CNTNAP2: variants seen among roughly 807,000 people sequenced by gnomAD.
CNTNAP2 encodes contactin associated protein 2.
In CNTNAP2, 98 loss-of-function variants were observed where a neutral mutation model predicts 155.2. The ratio of observed to expected loss-of-function variants is 0.63; its 90% CI spans 0.54 to 0.75. The LOEUF (loss-of-function observed/expected upper bound fraction) is 0.75. Ranked by LOEUF, CNTNAP2 falls within the 30% of genes least tolerant of loss-of-function variation. The pLI is 0.00. For missense variants in CNTNAP2, 1,727 were observed against 1,688.1 expected, an observed-to-expected ratio of 1.02 and a Z score of -0.40; for synonymous variants, 651 against 631.2, an observed-to-expected ratio of 1.03 and a Z score of -0.47.
chr7:148,108,013 G>A (rs935104100), intron 15 of CNTNAP2, among the ~76,000 whole-genome samples: 2 of 152,148 alleles, frequency 1.3e-5, no homozygotes, highest in Admixed American at 6.5e-5. Context: ...GTGCCTTCAC[G>A]CAGTCTTCTC....
intron 4 of CNTNAP2, among the ~76,000 whole-genome samples, chr7:147,062,371 C>A (rs1799700557): frequency 6.6e-6 from 1 of 151,848 alleles, no homozygotes; most frequent in Admixed American, 6.6e-5. Context: ...TTCCCAATGT[C>A]ACTTTTTAGT....
At chr7:146,777,889 T>C (rs913969591) in intron 2 of CNTNAP2, among the ~76,000 whole-genome samples, 11 of 141,586 alleles carry the variant, frequency 7.8e-5, no homozygotes, top group African/African-American at 2.5e-4. Context: ...ATAGCCAGCA[T>C]TGAGAGAAAA....
At chr7:147,860,588 T>TTAAAAAAAAAAAAA (rs1799118275) in intron 13 of CNTNAP2, among the ~76,000 whole-genome samples, 1 of 106,002 alleles carries the variant, frequency 9.4e-6, no homozygotes, top group Non-Finnish European at 2.1e-5. Context: ...AGACTCTGTC[T>TTAAAAAAAAAAAAA]CAAAAAAAAA....
At chr7:148,005,087 T>C (rs1563164380) in intron 15 of CNTNAP2, among the ~76,000 whole-genome samples, 1 of 152,178 alleles carries the variant, frequency 6.6e-6, no homozygotes, top group Non-Finnish European at 1.5e-5. Context: ...TAACATACCA[T>C]AGACTGGGTG....
chr7:147,091,735 A>G (rs1800411911), intron 4 of CNTNAP2, among the ~76,000 whole-genome samples: 1 of 151,848 alleles, frequency 6.6e-6, no homozygotes. Context: ...CGTCCCGGGT[A>G]GCTGGGACTA....
chr7:146,813,449 A>T (rs1803106794), intron 2 of CNTNAP2, among the ~76,000 whole-genome samples: 1 of 152,194 alleles, frequency 6.6e-6, no homozygotes, highest in South Asian at 2.1e-4. Flanking sequence ...ATTGGATTTC[A>T]GAGTTGCATA....
chr7:147,623,566 T>C (rs1206423112), intron 12 of CNTNAP2, among the ~76,000 whole-genome samples: 1 of 151,944 alleles, frequency 6.6e-6, no homozygotes, highest in Non-Finnish European at 1.5e-5. Flanking sequence ...ATCTCTATAA[T>C]GAAAAATATA....
At chr7:147,728,251 A>C (rs1796678603) in intron 13 of CNTNAP2, among the ~76,000 whole-genome samples, 1 of 152,040 alleles carries the variant, frequency 6.6e-6, no homozygotes, top group African/African-American at 2.4e-5. Flanking sequence ...TTTACATTCA[A>C]GTTTTCTGAC....
intron 11 of CNTNAP2, among the ~76,000 whole-genome samples, chr7:147,558,845 C>T (rs1006840690): frequency 2.0e-5 from 3 of 151,984 alleles, no homozygotes; most frequent in South Asian, 2.1e-4. Flanking sequence ...TGGGTTCAAG[C>T]GATTCTCCTG....
intron 15 of CNTNAP2, among the ~76,000 whole-genome samples, chr7:148,013,762 G>T (rs1412296868): frequency 6.6e-6 from 1 of 152,160 alleles, no homozygotes; most frequent in South Asian, 2.1e-4. Flanking sequence ...ACACAAGTGT[G>T]CCTGATGTGG....
At chr7:148,253,329 T>G (rs1399539258) in intron 20 of CNTNAP2, among the ~76,000 whole-genome samples, 1 of 152,172 alleles carries the variant, frequency 6.6e-6, no homozygotes, top group Non-Finnish European at 1.5e-5. Flanking sequence ...TATTCCTCCT[T>G]CAAAACGCCT....
rs186530190 is a variant in CNTNAP2 at position 147,287,502 on chromosome 7, C to T, written c.1349-12639C>T. ...AAGCAAAGAATCTCTGCTACCTGGC[C>T]TCTCATCCATTTCCTCAACTTTGAA... On this transcript the variant is annotated intron_variant, in intron 8 of 23. Transcript: ENST00000361727. 4.1e-4 allele frequency among the ~76,000 whole-genome samples: 63 copies of T among 152,124 alleles called. No homozygotes were observed. The Middle Eastern group carries it at 0.01, about 25-fold the overall frequency.
At chr7:147,882,339 C>T (rs956725635) in intron 13 of CNTNAP2, among the ~76,000 whole-genome samples, 4 of 152,150 alleles carry the variant, frequency 2.6e-5, no homozygotes, top group Admixed American at 2.6e-4. Context: ...TATTTCACAG[C>T]CACTCTTGCA....
At chr7:147,866,258 T>C (rs1212348604) in intron 13 of CNTNAP2, among the ~76,000 whole-genome samples, 2 of 146,666 alleles carry the variant, frequency 1.4e-5, no homozygotes, top group East Asian at 4.0e-4. Context: ...AATGCTGAGT[T>C]CTAAATTGAT....
intron 13 of CNTNAP2, among the ~76,000 whole-genome samples, chr7:147,742,665 T>C (rs1405958921): frequency 2.0e-5 from 3 of 152,228 alleles, no homozygotes; most frequent in African/African-American, 7.2e-5. Flanking sequence ...ATTCTGGATA[T>C]TCAGCTTCAA....
intron 8 of CNTNAP2, among the ~76,000 whole-genome samples, chr7:147,206,308 T>C (rs895180251): frequency 2.0e-5 from 3 of 149,202 alleles, no homozygotes; most frequent in African/African-American, 7.4e-5. Context: ...CTCACACCTG[T>C]AATCCCAGCA....
intron 3 of CNTNAP2, among the ~76,000 whole-genome samples, chr7:146,937,646 T>C (rs1038744107): frequency 8.5e-5 from 13 of 152,202 alleles, no homozygotes; most frequent in African/African-American, 2.9e-4. Context: ...ACACCTGCCC[T>C]GGAAACTTCC....
rs1403788187 is a variant in CNTNAP2 at position 148,417,555 on chromosome 7, T to C, written c.*1939T>C. ...GAAAAATACTTAATATCACTAAATATCAGAACAATGTAACATTTACAAATG... is the reference window on the plus strand; with the variant it reads ...GAAAAATACTTAATATCACTAAATACCAGAACAATGTAACATTTACAAATG... On this transcript the variant is annotated 3_prime_UTR_variant, in exon 24 of 24. Coordinates refer to ENST00000361727, the MANE Select transcript of CNTNAP2 (RefSeq NM_014141.6). 1.3e-5 allele frequency: 2 copies of C among 152,356 alleles called. No homozygotes were observed. The highest frequency in any genetic ancestry group is 2.4e-5 in the African/African-American group (1 of 41,454). 9.4% of individuals were successfully genotyped at this position (152,356 alleles called of 1,614,324 possible).
chr7:148,008,276 G>T (rs1802014541), intron 15 of CNTNAP2, among the ~76,000 whole-genome samples: 1 of 152,150 alleles, frequency 6.6e-6, no homozygotes, highest in African/African-American at 2.4e-5. Flanking sequence ...GGAAGCTGAG[G>T]CAGGAGAATT....
Sources: allele counts gnomAD v4.1 joint callset (sites outside exome capture counted in the v4.1 genomes callset), GRCh38; gene constraint gnomAD v4.1.1; transcripts MANE v1.5; gene names NCBI Gene and HGNC (gene_info 2026-07-23, HGNC 2026-07-21).